Variants in MTUS2 observed in about 807,000 individuals in gnomAD.
MTUS2 encodes microtubule associated scaffold protein 2, also known as microtubule-associated tumor suppressor candidate 2.
Under a neutral mutation model 114.1 loss-of-function variants are expected in MTUS2, and 40 were observed. The observed-to-expected ratio is 0.35, with a 90% CI of 0.27 to 0.46. The LOEUF is 0.46. MTUS2 is among the 20% of genes least tolerant of loss of function. MTUS2 has a pLI of 1.00. For synonymous variants in MTUS2, 688 were observed against 672.0 expected (o/e 1.02, Z -0.37); for missense variants, 1,679 against 1,705.4 (o/e 0.98, Z 0.27).
intron 5 of MTUS2, among the ~76,000 whole-genome samples, chr13:29,160,543 G>T (rs553737301): frequency 6.6e-6 from 1 of 152,128 alleles, no homozygotes; most frequent in Non-Finnish European, 1.5e-5. Context: ...GGCCGAGGCC[G>T]GCAGATCATG....
At chr13:29,493,224 C>T (rs555185435) in intron 12 of MTUS2, among the ~76,000 whole-genome samples, 93 of 152,330 alleles carry the variant, frequency 6.1e-4, no homozygotes, top group Admixed American at 3.7e-3. Context: ...AAACGCTGGT[C>T]TCAGATGCCA....
At chr13:28,971,090 A>G (rs761113745) in intron 2 of MTUS2, among the ~76,000 whole-genome samples, 2 of 152,248 alleles carry the variant, frequency 1.3e-5, no homozygotes, top group Non-Finnish European at 2.9e-5. Flanking sequence ...TGGAACACAC[A>G]TTGAAAAATC....
At chr13:28,931,322 C>G (rs954916714) in intron 2 of MTUS2, among the ~76,000 whole-genome samples, 6 of 152,178 alleles carry the variant, frequency 3.9e-5, no homozygotes, top group African/African-American at 1.4e-4. Context: ...CTTTGTGTCT[C>G]CACCCAAATC....
At chr13:29,458,830 C>A (rs1278034182) in intron 9 of MTUS2, among the ~76,000 whole-genome samples, 1 of 152,220 alleles carries the variant, frequency 6.6e-6, no homozygotes, top group Non-Finnish European at 1.5e-5. Context: ...CAGAAACCCC[C>A]AAACATAATG....
intron 2 of MTUS2, among the ~76,000 whole-genome samples, chr13:28,942,949 A>G (rs1007810342): frequency 1.3e-5 from 2 of 152,104 alleles, no homozygotes; most frequent in African/African-American, 4.8e-5. Flanking sequence ...GTATATTTTA[A>G]TAAAAATTTA....
chr13:28,882,714 G>A (rs2138144395), intron 2 of MTUS2, among the ~76,000 whole-genome samples: 1 of 152,268 alleles, frequency 6.6e-6, no homozygotes, highest in South Asian at 2.1e-4. Flanking sequence ...ACCAGCCTGG[G>A]TGACAGGGTG....
intron 5 of MTUS2, among the ~76,000 whole-genome samples, chr13:29,232,307 C>G (rs942262206): frequency 2.8e-5 from 1 of 35,358 alleles, no homozygotes; most frequent in Non-Finnish European, 5.2e-5. Flanking sequence ...CGCGCGCGCG[C>G]ACACACACAC....
At chr13:28,947,914 G>A (rs1882616798) in intron 2 of MTUS2, among the ~76,000 whole-genome samples, 1 of 152,134 alleles carries the variant, frequency 6.6e-6, no homozygotes, top group South Asian at 2.1e-4. Flanking sequence ...TGGCCACATG[G>A]TTATTTTTTG....
intron 5 of MTUS2, among the ~76,000 whole-genome samples, chr13:29,106,257 C>T (rs561973248): frequency 2.4e-4 from 36 of 152,298 alleles, no homozygotes; most frequent in African/African-American, 7.7e-4. Context: ...ACAAATTCTT[C>T]GTTTTTTAGT....
chr13:28,875,472 A>C (rs1877876130), intron 2 of MTUS2, among the ~76,000 whole-genome samples: 1 of 152,218 alleles, frequency 6.6e-6, no homozygotes, highest in Admixed American at 6.5e-5. Flanking sequence ...ATGCCCTTAC[A>C]TTGCTGTTGT....
intron 5 of MTUS2, among the ~76,000 whole-genome samples, chr13:29,188,086 T>C (rs1482530526): frequency 3.3e-5 from 5 of 152,152 alleles, no homozygotes; most frequent in Non-Finnish European, 7.3e-5. Flanking sequence ...GGAATACAGA[T>C]CTGGTAGGGC....
intron 2 of MTUS2, among the ~76,000 whole-genome samples, chr13:28,998,695 CT>C (rs1467802948): frequency 6.6e-6 from 1 of 152,226 alleles, no homozygotes; most frequent in Non-Finnish European, 1.5e-5. Context: ...GTTACTGAGG[CT>C]TGTGCATTTG....
At chr13:28,851,423 GT>G (rs757557127) in intron 2 of MTUS2, among the ~76,000 whole-genome samples, 5 of 152,190 alleles carry the variant, frequency 3.3e-5, no homozygotes, top group Non-Finnish European at 7.3e-5. Context: ...CAGAGTACCT[GT>G]TTCAAAAACA....
At chr13:28,845,951 A>G (rs981243134) in intron 2 of MTUS2, among the ~76,000 whole-genome samples, 10 of 151,802 alleles carry the variant, frequency 6.6e-5, no homozygotes, top group African/African-American at 2.2e-4. Flanking sequence ...CTCACTTCCA[A>G]ATGAAGCCTC....
chr13:29,335,702 G>A (rs1240119307), intron 7 of MTUS2, among the ~76,000 whole-genome samples: 5 of 152,160 alleles, frequency 3.3e-5, no homozygotes, highest in South Asian at 2.1e-4. Flanking sequence ...GAACATATGT[G>A]AATTATCGGG....
At chr13:28,929,193 G>A (rs1035594239) in intron 2 of MTUS2, among the ~76,000 whole-genome samples, 1 of 152,204 alleles carries the variant, frequency 6.6e-6, no homozygotes, top group African/African-American at 2.4e-5. Flanking sequence ...TGAAGGAGAG[G>A]TTCATTAATA....
chr13:29,198,661 G>A (rs865986937), intron 5 of MTUS2, among the ~76,000 whole-genome samples: 1 of 152,154 alleles, frequency 6.6e-6, no homozygotes, highest in African/African-American at 2.4e-5. Flanking sequence ...ACTTTGGAAA[G>A]TATGGCCATT....
intron 2 of MTUS2, among the ~76,000 whole-genome samples, chr13:28,849,823 AC>A (rs1876132046): frequency 6.6e-6 from 1 of 151,402 alleles, no homozygotes; most frequent in African/African-American, 2.4e-5. Flanking sequence ...TCTCCTCTCT[AC>A]CTCTGAGTTT....
At chr13:29,270,805 C>T (rs568540430) in intron 5 of MTUS2, among the ~76,000 whole-genome samples, 29 of 152,280 alleles carry the variant, frequency 1.9e-4, no homozygotes, top group Non-Finnish European at 2.9e-4. Context: ...GAAGCTGGCA[C>T]GGCCCTCTGA....
Sources: gnomAD v4.1 joint callset for allele counts (sites outside exome capture counted in the v4.1 genomes callset) on GRCh38, gnomAD v4.1.1 for gene constraint, MANE v1.5 for transcripts, NCBI Gene and HGNC (gene_info 2026-07-23, HGNC 2026-07-21) for gene names.